Variants in SLC24A3 observed in about 807,000 individuals in gnomAD.
The protein encoded by SLC24A3 is sodium/potassium/calcium exchanger 3.
A neutral mutation model predicts 75.8 loss-of-function variants in SLC24A3; 28 were observed. The observed-to-expected ratio is 0.37, with a 90% CI of 0.27 to 0.51. The LOEUF is 0.51. SLC24A3 is among the 20% of genes least tolerant of loss of function. SLC24A3 has a pLI of 0.94. For synonymous variants in SLC24A3, 372 were observed against 334.1 expected, an observed-to-expected ratio of 1.11 and a Z score of -1.24; for missense variants, 663 against 847.8, an observed-to-expected ratio of 0.78 and a Z score of 2.71.
intron 2 of SLC24A3, among the ~76,000 whole-genome samples, chr20:19,406,318 G>A (rs1986646303): frequency 1.3e-5 from 2 of 152,158 alleles, no homozygotes; most frequent in South Asian, 2.1e-4. Context: ...AAGAATTTTT[G>A]TATGTATATA....
At chr20:19,444,553 G>A (rs183552473) in intron 2 of SLC24A3, among the ~76,000 whole-genome samples, 1 of 152,136 alleles carries the variant, frequency 6.6e-6, no homozygotes, top group Admixed American at 6.5e-5. Flanking sequence ...GAATTTGGTA[G>A]ACTTTGTCTT....
chr20:19,705,702 G>A (rs1280715285), intron 15 of SLC24A3, among the ~76,000 whole-genome samples: 1 of 152,014 alleles, frequency 6.6e-6, no homozygotes, highest in African/African-American at 2.4e-5. Context: ...ACAATTTTGA[G>A]CAATTTTTTC....
At chr20:19,403,594 T>A (rs1986589443) in intron 2 of SLC24A3, among the ~76,000 whole-genome samples, 1 of 152,176 alleles carries the variant, frequency 6.6e-6, no homozygotes, top group South Asian at 2.1e-4. Flanking sequence ...GACATAGTAC[T>A]GTGGGAACAA....
intron 2 of SLC24A3, among the ~76,000 whole-genome samples, chr20:19,291,439 C>T (rs757348513): frequency 5.9e-5 from 9 of 152,204 alleles, no homozygotes; most frequent in Non-Finnish European, 1.2e-4. Context: ...TAGTGGGCCA[C>T]GGCCACACCT....
intron 6 of SLC24A3, among the ~76,000 whole-genome samples, chr20:19,612,146 C>T (rs6136793): frequency 0.16 from 24,077 of 152,222 alleles, 1,934 homozygotes; most frequent in East Asian, 0.26. Flanking sequence ...TCTCCTGGCC[C>T]TCCCCGCAAC....
chr20:19,654,200 G>A, intron 7 of SLC24A3, 64 bp downstream of exon 7: 1 of 1,483,106 alleles, frequency 6.7e-7, no homozygotes, highest in Non-Finnish European at 9.4e-7. Context: ...GTGGTGTGAG[G>A]CTCCTCCACA....
chr20:19,363,644 A>G (rs570291889), intron 2 of SLC24A3, among the ~76,000 whole-genome samples: 1 of 152,292 alleles, frequency 6.6e-6, no homozygotes, highest in African/African-American at 2.4e-5. Flanking sequence ...ACCCTGGGAG[A>G]GACGCTGTGG....
intron 6 of SLC24A3, among the ~76,000 whole-genome samples, chr20:19,636,011 G>A (rs112370319): frequency 0.057 from 8,674 of 152,228 alleles, 306 homozygotes; most frequent in Non-Finnish European, 0.088. Flanking sequence ...GTGGTGGCGG[G>A]CGCCTGTGGT....
chr20:19,305,920 A>T (rs1984315113), intron 2 of SLC24A3, among the ~76,000 whole-genome samples: 1 of 152,244 alleles, frequency 6.6e-6, no homozygotes, highest in Non-Finnish European at 1.5e-5. Context: ...AGCAAAATAA[A>T]CTATCAACAG....
intron 2 of SLC24A3, among the ~76,000 whole-genome samples, chr20:19,296,534 C>G (rs1025638177): frequency 6.6e-6 from 1 of 151,974 alleles, no homozygotes; most frequent in Non-Finnish European, 1.5e-5. Flanking sequence ...GGAATCAATT[C>G]AACAAGAAGA....
At chr20:19,282,284 C>G (rs1367955054) in intron 2 of SLC24A3, among the ~76,000 whole-genome samples, 1 of 152,122 alleles carries the variant, frequency 6.6e-6, no homozygotes, top group Non-Finnish European at 1.5e-5. Context: ...CTGCCTCCAC[C>G]ACCACCACCA....
At chr20:19,267,254 G>A (rs1173367595) in intron 1 of SLC24A3, among the ~76,000 whole-genome samples, 1 of 152,050 alleles carries the variant, frequency 6.6e-6, no homozygotes, top group African/African-American at 2.4e-5. Flanking sequence ...TTTAATTTAA[G>A]GTTGTTTATT....
intron 2 of SLC24A3, among the ~76,000 whole-genome samples, chr20:19,452,158 C>T (rs1438438137): frequency 2.0e-5 from 3 of 152,134 alleles, no homozygotes; most frequent in Non-Finnish European, 2.9e-5. Flanking sequence ...AGTGCTTTTT[C>T]AACCACAGAC....
intron 9 of SLC24A3, among the ~76,000 whole-genome samples, chr20:19,681,656 T>C (rs576260789): frequency 4.6e-5 from 7 of 152,364 alleles, no homozygotes; most frequent in African/African-American, 1.7e-4. Flanking sequence ...TCTTTTCACT[T>C]ACCATTTGTT....
chr20:19,333,242 C>T (rs943065151), intron 2 of SLC24A3, among the ~76,000 whole-genome samples: 2 of 152,334 alleles, frequency 1.3e-5, no homozygotes, highest in African/African-American at 2.4e-5. Context: ...TTATCCCTGA[C>T]ATCAGTAGTT....
intron 2 of SLC24A3, among the ~76,000 whole-genome samples, chr20:19,471,946 T>A (rs1213545993): frequency 6.6e-6 from 1 of 152,220 alleles, no homozygotes; most frequent in Non-Finnish European, 1.5e-5. Flanking sequence ...ACAGAGAGAT[T>A]ATTGCTTTAC....
At chr20:19,615,057 C>G (rs1024619187) in intron 6 of SLC24A3, among the ~76,000 whole-genome samples, 2 of 91,544 alleles carry the variant, frequency 2.2e-5, no homozygotes, top group Non-Finnish European at 5.8e-5. Flanking sequence ...TTAAACAGAT[C>G]TGTAAGGGTA....
chr20:19,678,554 G>A (rs1255528428), intron 9 of SLC24A3, among the ~76,000 whole-genome samples: 2 of 144,490 alleles, frequency 1.4e-5, no homozygotes, highest in Non-Finnish European at 1.5e-5. Context: ...GGCTGGCCGG[G>A]CAGAGGGGCT....
intron 6 of SLC24A3, among the ~76,000 whole-genome samples, chr20:19,590,980 T>A (rs2031367594): frequency 6.6e-6 from 1 of 152,214 alleles, no homozygotes; most frequent in Non-Finnish European, 1.5e-5. Flanking sequence ...ACTGACCATC[T>A]GCCTGAGGCT....
Sources: gnomAD v4.1 joint callset for allele counts (sites outside exome capture counted in the v4.1 genomes callset) on GRCh38, gnomAD v4.1.1 for gene constraint, MANE v1.5 for transcripts, NCBI Gene and HGNC (gene_info 2026-07-23, HGNC 2026-07-21) for gene names.